The following CFAP44 variants were observed in gnomAD, a reference collection of about 807,000 sequenced individuals.
CFAP44 encodes cilia and flagella associated protein 44.
CFAP44 carries 134 observed loss-of-function variants against 216.2 expected under a neutral mutation model. The ratio of observed to expected loss-of-function variants is 0.62; its 90% CI spans 0.54 to 0.72. The LOEUF is 0.72. Ranked by LOEUF, CFAP44 falls within the 30% of genes least tolerant of loss-of-function variation. The pLI, the probability that CFAP44 is intolerant of heterozygous loss-of-function variation, is 0.00. For missense variants in CFAP44, 2,035 were observed against 2,182.1 expected (o/e 0.93, Z 1.34); for synonymous variants, 700 against 727.6 (o/e 0.96, Z 0.61).
intron 15 of CFAP44, among the ~76,000 whole-genome samples, chr3:113,395,517 TA>T (rs1933965448): frequency 6.6e-6 from 1 of 152,104 alleles, no homozygotes; most frequent in South Asian, 2.1e-4. Context: ...CATGGTCAAC[TA>T]ATAAGCCCAC....
intron 1 of CFAP44, among the ~76,000 whole-genome samples, chr3:113,439,318 C>T (rs577718051): frequency 6.6e-6 from 1 of 152,230 alleles, no homozygotes; most frequent in East Asian, 1.9e-4. Context: ...CGCTTGTATG[C>T]TGGATAACTA....
intron 28 of CFAP44, among the ~76,000 whole-genome samples, chr3:113,312,647 T>C (rs752537064): frequency 4.0e-5 from 6 of 151,864 alleles, no homozygotes; most frequent in Non-Finnish European, 8.8e-5. Context: ...TAGAAGAAAA[T>C]GGTTTCTTGG....
chr3:113,371,766 A>AAACTATCAT (rs1933174337), intron 18 of CFAP44, among the ~76,000 whole-genome samples: 1 of 152,360 alleles, frequency 6.6e-6, no homozygotes, highest in East Asian at 1.9e-4. Context: ...ACAGCAAAAG[A>AAACTATCAT]AACTATCATC....
At position 113,294,727 on chromosome 3, in the gene CFAP44, T is replaced by C; in HGVS notation, c.5333A>G (p.Lys1778Arg). 6.5e-7 allele frequency: 1 copy of C among 1,536,502 alleles called. No homozygotes were observed. The highest frequency in any genetic ancestry group is 8.7e-7 in the Non-Finnish European group (1 of 1,146,608). Residue 1778 changes from lysine to arginine, a missense_variant, in exon 34 of 35, where the codon AAG (lysine) becomes AGG (arginine). This residue lies in a region of CFAP44 where 1,883 missense variants were observed against 2,023.7 expected (regional missense o/e 0.93). Coordinates refer to ENST00000393845, the MANE Select transcript of CFAP44 (RefSeq NM_001164496.2). The part of the protein sequence containing the change: ...YQMNDLCIEK[K>R]KLDSRLNTLQ... Reference sequence around the variant, plus strand: ...TGTATTCAACCGAGAATCAAGTTTCTTCTTTTCAATACACAAATCATTCAT... The same window carrying C: ...TGTATTCAACCGAGAATCAAGTTTCCTCTTTTCAATACACAAATCATTCAT...
chr3:113,330,100 A>C, intron 26 of CFAP44, 68 bp downstream of exon 26: 4 of 1,441,610 alleles, frequency 2.8e-6, no homozygotes, highest in East Asian at 2.5e-5. Flanking sequence ...ATAAACAAAA[A>C]ACCCGACCCA....
At chr3:113,386,444 A>G (rs1055953061) in intron 15 of CFAP44, among the ~76,000 whole-genome samples, 1 of 152,108 alleles carries the variant, frequency 6.6e-6, no homozygotes, top group Admixed American at 6.5e-5. Context: ...TCTTTTGTCT[A>G]TTGCTGTCTT....
intron 4 of CFAP44, among the ~76,000 whole-genome samples, chr3:113,421,922 C>G (rs1268182639): frequency 6.6e-6 from 1 of 152,006 alleles, no homozygotes; most frequent in African/African-American, 2.4e-5. Flanking sequence ...AACAGAAGCC[C>G]TAACCTCAGT....
At chr3:113,306,502 C>G (rs945298452) in intron 29 of CFAP44, among the ~76,000 whole-genome samples, 171 bp from the exon 30 acceptor site, 2 of 152,156 alleles carry the variant, frequency 1.3e-5, no homozygotes, top group Non-Finnish European at 1.5e-5. Context: ...ATTAGTATTA[C>G]TAATAACCAT....
At chr3:113,400,703 C>A in intron 11 of CFAP44, 59 bp from the exon 12 acceptor site, 3 of 1,449,470 alleles carry the variant, frequency 2.1e-6, no homozygotes, top group South Asian at 1.2e-5. Flanking sequence ...GAATTAAGAT[C>A]AAGTTTAAAA....
chr3:113,419,946 T>G, intron 5 of CFAP44, 71 bp downstream of exon 5: 3 of 1,517,862 alleles, frequency 2.0e-6, no homozygotes, highest in Non-Finnish European at 1.8e-6. Context: ...AACAACCATG[T>G]TGGCTGGTCC....
At chr3:113,427,797 A>C (rs1025450486) in intron 2 of CFAP44, among the ~76,000 whole-genome samples, 1 of 152,084 alleles carries the variant, frequency 6.6e-6, no homozygotes, top group Non-Finnish European at 1.5e-5. Flanking sequence ...GAGAACTGGT[A>C]TAGGAGTAAA....
At chr3:113,317,344 C>T (rs1950098088) in intron 28 of CFAP44, among the ~76,000 whole-genome samples, 3 of 152,226 alleles carry the variant, frequency 2.0e-5, no homozygotes, top group Admixed American at 2.0e-4. Context: ...TTCCTCGTCC[C>T]TCTCTGGGAG....
At chr3:113,321,282 C>T (rs1047321391) in intron 28 of CFAP44, among the ~76,000 whole-genome samples, 6 of 152,076 alleles carry the variant, frequency 3.9e-5, no homozygotes, top group Non-Finnish European at 7.4e-5. Flanking sequence ...ATGTGATCAT[C>T]GTAATAGACG....
intron 2 of CFAP44, among the ~76,000 whole-genome samples, chr3:113,431,010 G>A (rs1935092652): frequency 6.6e-6 from 1 of 152,078 alleles, no homozygotes; most frequent in Admixed American, 6.6e-5. Flanking sequence ...CTCTTGTTAA[G>A]TATGGGAAAA....
chr3:113,334,674 A>AG (rs1330092075), intron 24 of CFAP44, among the ~76,000 whole-genome samples: 2 of 152,188 alleles, frequency 1.3e-5, no homozygotes, highest in Non-Finnish European at 2.9e-5. Context: ...TGAAAAAAAA[A>AG]TGCTTAAACC....
At position 113,291,416 on chromosome 3, in the gene CFAP44, G is replaced by C; in HGVS notation, c.*141C>G. On this transcript the variant is annotated 3_prime_UTR_variant, in exon 35 of 35. Transcript: ENST00000393845. ...ACCAAATTGTAGAGAGATTCTTAAA[G>C]TGACTTAACGTGACTGGATCTGGTT... 1.1e-6 allele frequency: 1 copy of C among 952,150 alleles called. No homozygotes were observed. The highest frequency in any genetic ancestry group is 1.5e-6 in the Non-Finnish European group (1 of 656,628). The allele number at this position is 952,150 out of a possible 1,614,324, so 59.0% of individuals were successfully genotyped here. A position where few individuals can be genotyped will look rare whatever the true frequency, so the allele number is the denominator to read the frequency against.
chr3:113,306,361 C>T (rs960121436), intron 29 of CFAP44, 30 bp from the exon 30 acceptor site: 1 of 1,530,630 alleles, frequency 6.5e-7, no homozygotes, highest in Non-Finnish European at 8.7e-7. Flanking sequence ...AAAAACCAGC[C>T]TCATTTGTTA....
chr3:113,408,313 A>C (rs1370161826), intron 7 of CFAP44, among the ~76,000 whole-genome samples: 1 of 152,212 alleles, frequency 6.6e-6, no homozygotes, highest in Non-Finnish European at 1.5e-5. Flanking sequence ...TAATGAAAAG[A>C]GCATGGAGTT....
chr3:113,357,837 C>G (rs1424520873), intron 22 of CFAP44, among the ~76,000 whole-genome samples: 1 of 152,096 alleles, frequency 6.6e-6, no homozygotes, highest in Non-Finnish European at 1.5e-5. Context: ...AGTTCCACAA[C>G]TGAGTATATA....
Sources: gnomAD v4.1 joint callset for allele counts (sites outside exome capture counted in the v4.1 genomes callset) on GRCh38, gnomAD v4.1.1 for gene constraint, gnomAD v4.1.1 regional missense constraint, MANE v1.5 for transcripts, NCBI Gene and HGNC (gene_info 2026-07-23, HGNC 2026-07-21) for gene names.